The following USP9X variants were observed in gnomAD, a reference collection of about 807,000 sequenced individuals.
USP9X encodes ubiquitin carboxyl-terminal hydrolase 9X.
A neutral mutation model predicts 190.3 loss-of-function variants in USP9X; 7 were observed. The ratio of observed to expected loss-of-function variants is 0.04; its 90% confidence interval spans 0.02 to 0.07. USP9X has a LOEUF of 0.07. USP9X is among the 10% of genes least tolerant of loss of function. The probability of loss-of-function intolerance (pLI) is 1.00; values close to 1 mark genes in which losing one functional copy is unlikely to be tolerated. For synonymous variants in USP9X, 645 were observed against 659.5 expected, an observed-to-expected ratio of 0.98 and a Z score of 0.34; for missense variants, 1,010 against 1,916.9, an observed-to-expected ratio of 0.53 and a Z score of 8.83.
chrX:41,164,912 C>T (rs1044793312), intron 15 of USP9X, among the ~76,000 whole-genome samples: 3 of 111,667 alleles, frequency 2.7e-5, no homozygotes, highest in South Asian at 3.7e-4. Flanking sequence ...GGAAGTTTCC[C>T]GATTTTTCCT....
At chrX:41,087,458 A>G (rs1251297181) in intron 1 of USP9X, among the ~76,000 whole-genome samples, 6 of 112,391 alleles carry the variant, frequency 5.3e-5, no homozygotes, top group East Asian at 2.8e-4. Context: ...CTCGTCTTCT[A>G]ATTCGCTGGG....
intron 1 of USP9X, among the ~76,000 whole-genome samples, chrX:41,118,947 G>A (rs1203391457): frequency 9.0e-6 from 1 of 111,447 alleles, no homozygotes; most frequent in African/African-American, 3.3e-5. Context: ...TTCAAGAAGG[G>A]AGAGGTGGTC....
At chrX:41,174,058 G>A (rs2062752005) in intron 21 of USP9X, among the ~76,000 whole-genome samples, 1 of 111,832 alleles carries the variant, frequency 8.9e-6, no homozygotes, top group South Asian at 3.7e-4. Flanking sequence ...ACAGTAACAT[G>A]CTTGTATGGG....
At chrX:41,173,879 G>A (rs1184123643) in intron 21 of USP9X, among the ~76,000 whole-genome samples, 2 of 111,872 alleles carry the variant, frequency 1.8e-5, no homozygotes, top group African/African-American at 6.5e-5. Context: ...TGTATTAGGT[G>A]TTACCTAATA....
chrX:41,206,600 A>T (rs1458411848), intron 32 of USP9X, among the ~76,000 whole-genome samples: 1 of 110,636 alleles, frequency 9.0e-6, no homozygotes, highest in Non-Finnish European at 1.9e-5. Context: ...TCTTCTATAA[A>T]CACCTTATGA....
At chrX:41,160,692 C>A (rs991652838) in intron 14 of USP9X, among the ~76,000 whole-genome samples, 2 of 111,833 alleles carry the variant, frequency 1.8e-5, no homozygotes, top group Non-Finnish European at 3.8e-5. Flanking sequence ...TTAGACTGAT[C>A]TAATTATGAC....
intron 14 of USP9X, among the ~76,000 whole-genome samples, chrX:41,154,761 C>A (rs2062561853): frequency 9.0e-6 from 1 of 111,667 alleles, no homozygotes; most frequent in Non-Finnish European, 1.9e-5. Context: ...AGAATAATGT[C>A]TGGCACATAG....
intron 15 of USP9X, among the ~76,000 whole-genome samples, chrX:41,164,530 A>G (rs2062662571): frequency 8.9e-6 from 1 of 111,744 alleles, no homozygotes; most frequent in Non-Finnish European, 1.9e-5. Flanking sequence ...GTTTGGAATC[A>G]GAGGAACTAT....
chrX:41,207,796 C>T lies in USP9X; in HGVS notation c.5015+2303C>T, dbSNP rs2063117868. Among the ~76,000 whole-genome samples, 3 of 110,517 alleles carry T rather than the reference C, an allele frequency of 2.7e-5. No individual in the cohort carries two copies. The Admixed American group carries it at 2.9e-4, about 11-fold the overall frequency. On this transcript the variant is annotated intron_variant, in intron 32 of 44. Transcript: ENST00000378308. Reference sequence around the variant, plus strand: ...TGACAAAGCAGTATAAATTTCTTTTCCTCCCCTAACTAGGCCCTCTACTTA... The same window carrying T: ...TGACAAAGCAGTATAAATTTCTTTTTCTCCCCTAACTAGGCCCTCTACTTA...
In USP9X at chrX:41,168,207, C is replaced by G. The variant is rs1681177972; in HGVS notation, c.2625C>G (p.Leu875=). The change falls in exon 18 of 45, where the codon CTC becomes CTG. Residue 875 remains leucine (L), a synonymous_variant. Transcript: ENST00000378308. ...DSDYHEERTI[L]PMSRAFRGKH... ...ATTATCATGAGGAAAGAACAATTCTCCCTATGTCGAGGTTTGTGAATAACT... is the reference window on the plus strand; with the variant it reads ...ATTATCATGAGGAAAGAACAATTCTGCCTATGTCGAGGTTTGTGAATAACT... The G allele has an allele frequency of 8.4e-7, 1 of 1,196,098 alleles. No individual in the cohort carries two copies. The highest frequency in any genetic ancestry group is 1.7e-5 in the African/African-American group (1 of 57,469).
chrX:41,148,380 A>G lies in USP9X; in HGVS notation c.1431A>G (p.Thr477=). The change falls in exon 12 of 45, where the codon ACA becomes ACG. Residue 477 remains threonine, a synonymous_variant. Transcript: ENST00000378308. The part of the protein sequence containing the change: ...HLFDCFKASW[T]NASKKQREKL... ...TAATTTTTTTCTAGGCCAGTTGGAC[A>G]AATGCGAGTAAAAAGCAACGTGAAA... 2 of 1,211,651 alleles carry G rather than the reference A, an allele frequency of 1.7e-6. No homozygotes were observed. Among genetic ancestry groups the G allele is most frequent in the Non-Finnish European group, 2.2e-6 (2 of 895,503 alleles).
At chrX:41,187,180 C>G (rs972154885) in intron 24 of USP9X, among the ~76,000 whole-genome samples, 12 of 112,103 alleles carry the variant, frequency 1.1e-4, no homozygotes, top group South Asian at 3.7e-4. Flanking sequence ...CTGCTGCGGT[C>G]GAAACCGAAT....
intron 1 of USP9X, among the ~76,000 whole-genome samples, chrX:41,109,773 G>A (rs756932320): frequency 1.8e-5 from 2 of 111,192 alleles, no homozygotes; most frequent in Non-Finnish European, 3.8e-5. Flanking sequence ...CTGGGGATGG[G>A]GGGGGCAGGA....
chrX:41,154,671 T>C (rs139294005), intron 14 of USP9X, among the ~76,000 whole-genome samples: 122 of 111,938 alleles, frequency 1.1e-3, no homozygotes, highest in Non-Finnish European at 1.9e-3. Context: ...AACTGAGAGA[T>C]GTGAGTCTGC....
chrX:41,197,304 C>T, intron 28 of USP9X, 60 bp from the exon 29 acceptor site: 7 of 902,605 alleles, frequency 7.8e-6, no homozygotes, highest in Non-Finnish European at 1.1e-5. Context: ...CTTTACCTCC[C>T]TTTCATAAGC....
At chrX:41,210,398 T>C in intron 32 of USP9X, 111 bp from the exon 33 acceptor site, 1 of 799,529 alleles carries the variant, frequency 1.3e-6, no homozygotes, top group Admixed American at 3.2e-5. Context: ...ATCTCGGTTT[T>C]ATATACTGTT....
intron 1 of USP9X, among the ~76,000 whole-genome samples, chrX:41,109,428 T>C (rs1191376028): frequency 1.8e-5 from 2 of 112,221 alleles, no homozygotes; most frequent in Non-Finnish European, 3.8e-5. Flanking sequence ...ACTTGACAGA[T>C]GCTCGATATG....
chrX:41,119,306 TC>T (rs2062173266), intron 1 of USP9X, among the ~76,000 whole-genome samples: 1 of 110,454 alleles, frequency 9.1e-6, no homozygotes, highest in South Asian at 3.8e-4. Flanking sequence ...GAGCCCAGGA[TC>T]TCGTGACCAG....
chrX:41,207,564 G>A (rs1485131644), intron 32 of USP9X, among the ~76,000 whole-genome samples: 6 of 111,409 alleles, frequency 5.4e-5, no homozygotes, highest in South Asian at 3.7e-4. Flanking sequence ...TCAGTACTAC[G>A]TCATGCACTG....
Sources: allele counts gnomAD v4.1 joint callset (sites outside exome capture counted in the v4.1 genomes callset), GRCh38; gene constraint gnomAD v4.1.1; transcripts MANE v1.5; gene names NCBI Gene and HGNC (gene_info 2026-07-23, HGNC 2026-07-21).